Variants in JAG2 observed in about 807,000 individuals in gnomAD.
The protein encoded by JAG2 is protein jagged-2.
JAG2 carries 46 observed loss-of-function variants against 141.7 expected under a neutral mutation model. The ratio of observed to expected loss-of-function variants is 0.32; its 90% CI spans 0.26 to 0.42. The LOEUF (loss-of-function observed/expected upper bound fraction) is 0.42, where lower values mean the gene tolerates loss of function less well. Among genes scored for constraint, JAG2 ranks in the 10% least tolerant of loss-of-function variants. The pLI is 1.00. For missense variants in JAG2, 1,500 were observed against 1,817.5 expected (o/e 0.83, Z 3.18); for synonymous variants, 862 against 763.5 (o/e 1.13, Z -2.13).
In JAG2 at chr14:105,143,014, G is replaced by C; in HGVS notation, c.3398C>G (p.Pro1133Arg). The change falls in exon 26 of 26, where the codon CCC becomes CGC. Residue 1133 changes from proline (P) to arginine (R), a missense_variant. Transcript: ENST00000331782. The stretch of plus-strand genomic sequence containing the variant: ...CGGCCGCTCAATGGGGTTGCGGATG[G>C]GGTTGAGCGGGGCCCACTGGTTGTT... ...SANNQWAPLN[P>R]IRNPIERPGG... 1.2e-6 allele frequency: 2 copies of C among 1,606,548 alleles called. No homozygotes were observed. The highest frequency in any genetic ancestry group is 1.7e-6 in the Non-Finnish European group (2 of 1,179,648).
rs1888278078 is a variant in JAG2 at position 105,147,905 on chromosome 14, AGGAG to A, written c.2249-21_2249-18del. 1 of 1,533,384 alleles carries A rather than the reference AGGAG, an allele frequency of 6.5e-7. No homozygotes were observed. Among genetic ancestry groups the A allele is most frequent in the Non-Finnish European group, 8.8e-7 (1 of 1,133,116 alleles). 95.0% of individuals were successfully genotyped at this position (1,533,384 alleles called of 1,614,324 possible). A position where few individuals can be genotyped will look rare whatever the true frequency, so the allele number is the denominator to read the frequency against. ...TGTTCTTGGCTGTAAGGAGAGGAGG[AGGAG>A]GGAGCGTCTCACCTGGCCCTGGGCT... is the stretch of plus-strand genomic sequence containing the variant. On this transcript the variant is annotated intron_variant, in intron 17 of 25. Coordinates refer to ENST00000331782, the MANE Select transcript of JAG2 (RefSeq NM_002226.5).
intron 2 of JAG2, among the ~76,000 whole-genome samples, chr14:105,166,101 C>T (rs1004200134): frequency 1.5e-4 from 23 of 152,372 alleles, no homozygotes; most frequent in African/African-American, 4.6e-4. Context: ...CCTCCTGGGG[C>T]ATTCGAGGAA....
intron 2 of JAG2, among the ~76,000 whole-genome samples, chr14:105,162,785 GGC>G (rs1386751101): frequency 0.013 from 1,043 of 80,100 alleles, 1 homozygote; most frequent in African/African-American, 0.035. Flanking sequence ...CACAGTCCAG[GGC>G]ACCCCAAAGC....
chr14:105,143,648 A>G lies in JAG2; in HGVS notation c.3085-10T>C. The G allele has an allele frequency of 2.5e-6, 4 of 1,606,094 alleles. No individual in the cohort carries two copies. The highest frequency in any genetic ancestry group is 3.4e-6 in the Non-Finnish European group (4 of 1,179,730). On this transcript the variant is annotated splice_polypyrimidine_tract_variant and intron_variant, in intron 24 of 25. Transcript: ENST00000331782. Reference sequence around the variant, plus strand: ...TGGCAGGGCTGAAGGACTGCGGCAAAGAACGGCATTGTGGGGATGGCTCGA... The same window carrying G: ...TGGCAGGGCTGAAGGACTGCGGCAAGGAACGGCATTGTGGGGATGGCTCGA...
intron 2 of JAG2, among the ~76,000 whole-genome samples, chr14:105,163,783 G>A (rs587759466): frequency 1.3e-5 from 2 of 150,358 alleles, no homozygotes; most frequent in African/African-American, 4.9e-5. Flanking sequence ...CTCAGGCCTG[G>A]GGCCTGAGGA....
Position 105,145,828 on chromosome 14 carries a change from T to G in JAG2, c.2855A>C (p.Glu952Ala). 6.4e-7 allele frequency: 1 copy of G among 1,563,640 alleles called. No individual in the cohort carries two copies. ...CAGGCAGGGGGTGCTCGGTGGCTCTTCTGCGCCGCACTCCCCCCAGGCCTC... is the reference window on the plus strand; with the variant it reads ...CAGGCAGGGGGTGCTCGGTGGCTCTGCTGCGCCGCACTCCCCCCAGGCCTC... The part of the protein sequence containing the change: ...PCEAWGECGA[E>A]EPPSTPCLPR... Residue 952 changes from glutamate to alanine, a missense_variant, in exon 23 of 26, where the codon GAA (glutamate) becomes GCA (alanine). Transcript: ENST00000331782.
chr14:105,149,198 G>A lies in JAG2; in HGVS notation c.1725C>T (p.Arg575=), dbSNP rs759060759. ...DFGGKNCSVP[R]EPCPGGACRV... ...TGCAGGCCCCGCCAGGGCACGGCTC[G>A]CGGGGCACGGAGCAGTTCTTGCCAC... Residue 575 remains arginine (R), a synonymous_variant, in exon 13 of 26, where the codon CGC becomes CGT. Coordinates refer to ENST00000331782, the MANE Select transcript of JAG2 (RefSeq NM_002226.5). 3.0e-5 allele frequency: 48 copies of A among 1,594,700 alleles called. No individual in the cohort carries two copies. Among genetic ancestry groups the A allele is most frequent in the African/African-American group, 1.9e-4 (14 of 71,826 alleles).
intron 2 of JAG2, among the ~76,000 whole-genome samples, chr14:105,162,139 C>T (rs1888766388): frequency 6.6e-6 from 1 of 152,078 alleles, no homozygotes; most frequent in African/African-American, 2.4e-5. Flanking sequence ...CCCAGGTTCC[C>T]CGGCAAGCAG....
chr14:105,143,334 G>A (rs1393091166), intron 25 of JAG2, 148 bp downstream of exon 25: 6 of 1,290,006 alleles, frequency 4.7e-6, no homozygotes, highest in Non-Finnish European at 6.5e-6. Context: ...GGGAAGGTCA[G>A]GTTGTGGGGC....
chr14:105,150,817 G>T (rs768941184), intron 11 of JAG2, 40 bp from the exon 12 acceptor site: 4 of 1,573,208 alleles, frequency 2.5e-6, no homozygotes, highest in Non-Finnish European at 3.4e-6. Context: ...CAGGCACCCT[G>T]ACGGCCCCGC....
intron 20 of JAG2, 185 bp from the exon 21 acceptor site, chr14:105,146,909 G>A (rs587636354): frequency 1.6e-5 from 11 of 673,760 alleles, no homozygotes; most frequent in African/African-American, 5.3e-5. Flanking sequence ...CCTGACCCTG[G>A]CCCAACAGCA....
intron 5 of JAG2, among the ~76,000 whole-genome samples, chr14:105,153,805 T>C (rs1367676905): frequency 1.3e-5 from 2 of 152,122 alleles, no homozygotes; most frequent in African/African-American, 2.4e-5. Context: ...TCCTCCAGCC[T>C]TGGTGTGACA....
chr14:105,144,939 C>A lies in JAG2; in HGVS notation c.3075G>T (p.Glu1025Asp). ...DRASSGASAVEVAVSFSPARD... is the reference protein window; with the variant it reads ...DRASSGASAVDVAVSFSPARD... Reference sequence around the variant, plus strand: ...CCCACTGGGCACTCACCACGGCCACCTCCACAGCACTGGCCCCCGAGGACG... The same window carrying A: ...CCCACTGGGCACTCACCACGGCCACATCCACAGCACTGGCCCCCGAGGACG... Residue 1025 changes from glutamate to aspartate, a missense_variant, in exon 24 of 26, where the codon GAG (glutamate) becomes GAT (aspartate). Glu to Asp is a conservative substitution (Grantham distance 45). Around this residue, in one of 3 missense-constraint regions of JAG2, gnomAD observed 425 missense variants for 441.0 expected, o/e 0.96. Transcript: ENST00000331782. 1 of 1,599,952 alleles carries A rather than the reference C, an allele frequency of 6.3e-7. No individual in the cohort carries two copies. The highest frequency in any genetic ancestry group is 1.1e-5 in the South Asian group (1 of 89,818).
Position 105,147,876 on chromosome 14 carries a change from C to G in JAG2, c.2261G>C (p.Ser754Thr), listed in dbSNP as rs979740332. 1.9e-6 allele frequency: 3 copies of G among 1,552,480 alleles called. No individual in the cohort carries two copies. Among genetic ancestry groups the G allele is most frequent in the Middle Eastern group, 4.4e-4 (2 of 4,516 alleles). ...GSTCAVAKNSSCLPNPCVNGG... is the reference protein window; with the variant it reads ...GSTCAVAKNSTCLPNPCVNGG... ...ATTCACACAGGGGTTGGGCAGGCAGCTGCTGTTCTTGGCTGTAAGGAGAGG... is the reference window on the plus strand; with the variant it reads ...ATTCACACAGGGGTTGGGCAGGCAGGTGCTGTTCTTGGCTGTAAGGAGAGG... The change falls in exon 18 of 26, where the codon AGC becomes ACC. Residue 754 changes from serine to threonine, a missense_variant. Ser to Thr is a moderately conservative substitution (Grantham distance 58). Around this residue, in one of 3 missense-constraint regions of JAG2, gnomAD observed 875 missense variants for 1,202.2 expected, o/e 0.73. Coordinates refer to ENST00000331782, the MANE Select transcript of JAG2 (RefSeq NM_002226.5).
At chr14:105,156,364 A>ACACCTGCACC (rs1311725290) in intron 3 of JAG2, among the ~76,000 whole-genome samples, 3 of 152,038 alleles carry the variant, frequency 2.0e-5, no homozygotes, top group African/African-American at 7.3e-5. Flanking sequence ...CCCTGCTCCA[A>ACACCTGCACC]CACCTGCACC....
chr14:105,151,559 A>G, intron 8 of JAG2, 67 bp downstream of exon 8: 1 of 1,402,294 alleles, frequency 7.1e-7, no homozygotes, highest in Non-Finnish European at 9.9e-7. Flanking sequence ...ATCCCCAGCG[A>G]GTTGCCCCAC....
chr14:105,148,467 C>G, intron 15 of JAG2, 28 bp from the exon 16 acceptor site: 1 of 1,403,920 alleles, frequency 7.1e-7, no homozygotes, highest in Admixed American at 1.9e-5. Flanking sequence ...GGTCAGCGGG[C>G]GGGGGGTCAC....
intron 2 of JAG2, among the ~76,000 whole-genome samples, chr14:105,164,339 C>A (rs1888847143): frequency 6.6e-6 from 1 of 152,214 alleles, no homozygotes; most frequent in Non-Finnish European, 1.5e-5. Context: ...CTCCCCAGGG[C>A]TCTGGGCCCC....
intron 23 of JAG2, 90 bp from the exon 24 acceptor site, chr14:105,145,151 A>T (rs1335803511): frequency 1.3e-6 from 2 of 1,538,722 alleles, no homozygotes; most frequent in Non-Finnish European, 1.8e-6. Flanking sequence ...CACGTGGGAC[A>T]CACCCTACAG....
Sources: allele counts gnomAD v4.1 joint callset (sites outside exome capture counted in the v4.1 genomes callset), GRCh38; gene constraint gnomAD v4.1.1; regional missense constraint gnomAD v4.1.1; transcripts MANE v1.5; gene names NCBI Gene and HGNC (gene_info 2026-07-23, HGNC 2026-07-21).